The following RAB38 variants were observed in gnomAD, a reference collection of about 807,000 sequenced individuals.
The protein encoded by RAB38 is ras-related protein Rab-38.
RAB38 carries 15 observed loss-of-function variants against 18.4 expected under a neutral mutation model. The ratio of observed to expected loss-of-function variants is 0.82; its 90% confidence interval spans 0.55 to 1.26. The LOEUF is 1.26. Among genes scored for constraint, RAB38 ranks in the 50% most tolerant of loss-of-function variants. The pLI is 0.00. For missense variants in RAB38, 294 were observed against 267.4 expected, an observed-to-expected ratio of 1.10 and a Z score of -0.69; for synonymous variants, 101 against 104.4, an observed-to-expected ratio of 0.97 and a Z score of 0.20.
chr11:87,844,186 A>T, the RAB38 span, among the ~76,000 whole-genome samples: 1 of 152,214 alleles, frequency 6.6e-6, no homozygotes, highest in Non-Finnish European at 1.5e-5. Context: ...GGATCCCCAA[A>T]ATAATCCTAT....
the RAB38 span, among the ~76,000 whole-genome samples, chr11:88,023,980 T>C: frequency 6.6e-6 from 1 of 152,104 alleles, no homozygotes; most frequent in African/African-American, 2.4e-5. Context: ...AGGACATTGA[T>C]CTGGGCAAAA....
At chr11:88,028,691 A>G in the RAB38 span, among the ~76,000 whole-genome samples, 583 of 152,306 alleles carry the variant, frequency 3.8e-3, 5 homozygotes, top group African/African-American at 0.013. Context: ...AAAGAATAAA[A>G]AGAAATGAAC....
At chr11:87,907,648 T>C in the RAB38 span, among the ~76,000 whole-genome samples, 1 of 151,670 alleles carries the variant, frequency 6.6e-6, no homozygotes, top group African/African-American at 2.4e-5. Flanking sequence ...TTTCAAAATT[T>C]CTAGTATTTA....
At chr11:87,935,629 G>T in the RAB38 span, among the ~76,000 whole-genome samples, 1 of 152,028 alleles carries the variant, frequency 6.6e-6, no homozygotes, top group Admixed American at 6.6e-5. Flanking sequence ...GTTTTCCCCA[G>T]TGGTAACCTC....
the RAB38 span, among the ~76,000 whole-genome samples, chr11:88,097,307 C>T: frequency 6.6e-6 from 1 of 151,900 alleles, no homozygotes; most frequent in Non-Finnish European, 1.5e-5. Flanking sequence ...TAGCATCTAC[C>T]TGATTGTGAG....
the RAB38 span, among the ~76,000 whole-genome samples, chr11:88,051,926 C>T: frequency 1.3e-5 from 2 of 152,172 alleles, no homozygotes; most frequent in South Asian, 2.1e-4. Flanking sequence ...GAGTTTGAGA[C>T]CAGCCTGACC....
the RAB38 span, among the ~76,000 whole-genome samples, chr11:87,972,614 C>G: frequency 2.0e-5 from 3 of 152,052 alleles, no homozygotes; most frequent in African/African-American, 7.2e-5. Context: ...CAATAAGCAG[C>G]TAATTCCCCT....
At chr11:87,939,270 T>A in the RAB38 span, among the ~76,000 whole-genome samples, 35,294 of 151,650 alleles carry the variant, frequency 0.23, 4,413 homozygotes, top group South Asian at 0.38. Flanking sequence ...TATGGGTAGA[T>A]AAAATCCATT....
the RAB38 span, among the ~76,000 whole-genome samples, chr11:87,978,017 A>G: frequency 1.1e-5 from 1 of 91,380 alleles, no homozygotes. Context: ...TATTATATAA[A>G]TATATACTTA....
the RAB38 span, among the ~76,000 whole-genome samples, chr11:87,953,135 A>T: frequency 1.3e-5 from 2 of 152,174 alleles, no homozygotes; most frequent in African/African-American, 4.8e-5. Flanking sequence ...GTGACCACCT[A>T]TGTGTTAGAC....
chr11:88,089,681 T>TA, the RAB38 span, among the ~76,000 whole-genome samples: 13 of 151,930 alleles, frequency 8.6e-5, no homozygotes, highest in African/African-American at 2.9e-4. Flanking sequence ...ATGATCAACT[T>TA]AAAAAACCTC....
At chr11:88,078,818 A>G in the RAB38 span, among the ~76,000 whole-genome samples, 1 of 151,932 alleles carries the variant, frequency 6.6e-6, no homozygotes, top group Non-Finnish European at 1.5e-5. Flanking sequence ...ATATAGCAGT[A>G]GGGCAACTAT....
chr11:87,973,812 T>G, the RAB38 span, among the ~76,000 whole-genome samples: 1 of 152,020 alleles, frequency 6.6e-6, no homozygotes, highest in South Asian at 2.1e-4. Context: ...CCAATCCAGG[T>G]TAGAGTGAAG....
chr11:87,866,179 G>C, the RAB38 span, among the ~76,000 whole-genome samples: 1 of 151,620 alleles, frequency 6.6e-6, no homozygotes, highest in African/African-American at 2.4e-5. Flanking sequence ...TGGGGCATAG[G>C]GGATCAGGGT....
chr11:87,874,495 G>A, the RAB38 span, among the ~76,000 whole-genome samples: 2 of 151,184 alleles, frequency 1.3e-5, no homozygotes, highest in Non-Finnish European at 3.0e-5. Context: ...ACCGGGGCCT[G>A]TTGTGGGGTC....
the RAB38 span, among the ~76,000 whole-genome samples, chr11:87,871,283 C>A: frequency 6.6e-6 from 1 of 151,590 alleles, no homozygotes; most frequent in Non-Finnish European, 1.5e-5. Flanking sequence ...CCCCTCCCTA[C>A]CGTCTGCCAC....
chr11:87,830,676 A>G, the RAB38 span, among the ~76,000 whole-genome samples: 1 of 152,160 alleles, frequency 6.6e-6, no homozygotes, highest in Non-Finnish European at 1.5e-5. Context: ...ATGATGTAGC[A>G]TAAAATTTAA....
the RAB38 span, among the ~76,000 whole-genome samples, chr11:87,951,165 C>T: frequency 6.6e-6 from 1 of 152,128 alleles, no homozygotes; most frequent in Non-Finnish European, 1.5e-5. Context: ...CCCTTTCTTC[C>T]AGTTGATCGC....
the RAB38 span, among the ~76,000 whole-genome samples, chr11:87,842,420 C>G: frequency 6.6e-6 from 1 of 152,148 alleles, no homozygotes; most frequent in African/African-American, 2.4e-5. Context: ...CTGCAAATGG[C>G]TCCAAGGCCT....
Sources: gnomAD v4.1 joint callset for allele counts (sites outside exome capture counted in the v4.1 genomes callset) on GRCh38, gnomAD v4.1.1 for gene constraint, MANE v1.5 for transcripts, NCBI Gene and HGNC (gene_info 2026-07-23, HGNC 2026-07-21) for gene names.